The following PPP2R2B variants were observed in gnomAD, a reference collection of about 807,000 sequenced individuals.
PPP2R2B encodes the protein protein phosphatase 2 regulatory subunit Bbeta.
PPP2R2B carries 5 observed loss-of-function variants against 46.0 expected under a neutral mutation model. The observed-to-expected ratio is 0.11, with a 90% CI of 0.06 to 0.23. The LOEUF is 0.23. Ranked by LOEUF, PPP2R2B falls within the 10% of genes least tolerant of loss-of-function variation. The pLI, the probability that PPP2R2B is intolerant of heterozygous loss-of-function variation, is 1.00. For synonymous variants in PPP2R2B, 215 were observed against 206.7 expected (o/e 1.04, Z -0.34); for missense variants, 367 against 575.0 (o/e 0.64, Z 3.70).
At chr5:146,659,076 T>G (rs1776526160) in intron 5 of PPP2R2B, among the ~76,000 whole-genome samples, 1 of 152,068 alleles carries the variant, frequency 6.6e-6, no homozygotes, top group Non-Finnish European at 1.5e-5. Context: ...GGAAATGCAA[T>G]AAAAATAGAT....
intron 7 of PPP2R2B, among the ~76,000 whole-genome samples, chr5:146,626,241 A>G (rs1774059059): frequency 6.7e-6 from 1 of 149,334 alleles, no homozygotes; most frequent in African/African-American, 2.4e-5. Context: ...GCTAATACAG[A>G]GAGAAAGAGG....
chr5:146,654,066 C>G (rs142009286), intron 5 of PPP2R2B, among the ~76,000 whole-genome samples: 198 of 152,262 alleles, frequency 1.3e-3, no homozygotes, highest in African/African-American at 4.4e-3. Context: ...GAAGGAGATC[C>G]GGACACTATT....
chr5:146,933,177 T>A (rs910764369), intron 1 of PPP2R2B, among the ~76,000 whole-genome samples: 1 of 152,218 alleles, frequency 6.6e-6, no homozygotes, highest in Non-Finnish European at 1.5e-5. Flanking sequence ...GTAACAGGGA[T>A]TGGAAAATAA....
chr5:146,892,699 C>T (rs376451860), intron 1 of PPP2R2B, among the ~76,000 whole-genome samples: 45 of 152,160 alleles, frequency 3.0e-4, no homozygotes, highest in African/African-American at 1.1e-3. Context: ...ATTTGTTAAT[C>T]AGTGTTCTGG....
At chr5:146,651,482 G>C (rs984886865) in intron 5 of PPP2R2B, among the ~76,000 whole-genome samples, 2 of 152,192 alleles carry the variant, frequency 1.3e-5, no homozygotes, top group Non-Finnish European at 2.9e-5. Flanking sequence ...TGGTGGATCA[G>C]AGAATCGGCA....
intron 2 of PPP2R2B, among the ~76,000 whole-genome samples, chr5:146,759,972 ACT>A (rs992209873): frequency 7.2e-5 from 11 of 152,004 alleles, no homozygotes; most frequent in African/African-American, 2.4e-4. Context: ...CTATGACACA[ACT>A]CTGAAGACAG....
At chr5:146,983,407 C>T (rs1753274589) in intron 1 of PPP2R2B, among the ~76,000 whole-genome samples, 1 of 152,086 alleles carries the variant, frequency 6.6e-6, no homozygotes, top group Admixed American at 6.6e-5. Flanking sequence ...GTCTTGATCT[C>T]CTGACCTCGT....
intron 1 of PPP2R2B, among the ~76,000 whole-genome samples, chr5:146,913,179 T>C (rs1247274050): frequency 6.6e-6 from 1 of 152,230 alleles, no homozygotes; most frequent in Non-Finnish European, 1.5e-5. Context: ...TTTAGAAGCA[T>C]AGAGTCAAGT....
intron 7 of PPP2R2B, among the ~76,000 whole-genome samples, chr5:146,606,397 AAC>A (rs1475168441): frequency 2.0e-5 from 3 of 152,200 alleles, no homozygotes; most frequent in African/African-American, 7.2e-5. Flanking sequence ...GGTGGTTCCA[AAC>A]ACAGTGGCCT....
At chr5:146,838,691 C>A (rs1156365920) in intron 2 of PPP2R2B, among the ~76,000 whole-genome samples, 2 of 151,942 alleles carry the variant, frequency 1.3e-5, no homozygotes, top group South Asian at 4.2e-4. Flanking sequence ...GTGAGCTACA[C>A]AAGTGAGTTA....
intron 1 of PPP2R2B, among the ~76,000 whole-genome samples, chr5:146,957,665 C>G (rs757560394): frequency 2.2e-4 from 34 of 152,130 alleles, no homozygotes; most frequent in Non-Finnish European, 4.4e-4. Context: ...AGGTTGTACT[C>G]TACCCAGCTT....
At chr5:146,985,674 C>G (rs1285519313) in intron 1 of PPP2R2B, among the ~76,000 whole-genome samples, 3 of 152,110 alleles carry the variant, frequency 2.0e-5, no homozygotes, top group Non-Finnish European at 4.4e-5. Flanking sequence ...ACAAACATGT[C>G]CACTCTCACC....
At chr5:146,843,282 T>C (rs1379485615) in intron 2 of PPP2R2B, among the ~76,000 whole-genome samples, 2 of 152,254 alleles carry the variant, frequency 1.3e-5, no homozygotes, top group Non-Finnish European at 1.5e-5. Flanking sequence ...AATGACACTT[T>C]GTGAGTATCA....
chr5:146,718,654 A>C (rs1324149376), intron 2 of PPP2R2B, among the ~76,000 whole-genome samples: 3 of 152,166 alleles, frequency 2.0e-5, no homozygotes, highest in African/African-American at 7.2e-5. Flanking sequence ...CTGCTACTTA[A>C]ATTCCAGCCC....
chr5:147,012,045 T>C (rs1366755815), intron 1 of PPP2R2B, among the ~76,000 whole-genome samples: 1 of 150,554 alleles, frequency 6.6e-6, no homozygotes, highest in African/African-American at 2.4e-5. Flanking sequence ...TTCTCTTTTT[T>C]TGTTGTGTCT....
chr5:146,765,020 A>C (rs1004556441), intron 2 of PPP2R2B, among the ~76,000 whole-genome samples: 1 of 152,142 alleles, frequency 6.6e-6, no homozygotes, highest in African/African-American at 2.4e-5. Flanking sequence ...TAGAAAACAC[A>C]TAGAGGTTTC....
At chr5:146,685,507 G>C (rs978656084) in intron 5 of PPP2R2B, among the ~76,000 whole-genome samples, 2 of 152,194 alleles carry the variant, frequency 1.3e-5, no homozygotes, top group African/African-American at 4.8e-5. Context: ...GTTTCACTCA[G>C]AGGATCTCTC....
At chr5:146,685,072 T>A (rs1778406654) in intron 5 of PPP2R2B, among the ~76,000 whole-genome samples, 1 of 152,226 alleles carries the variant, frequency 6.6e-6, no homozygotes, top group Admixed American at 6.5e-5. Context: ...TTGTAGTGCA[T>A]GCTTAGTACA....
intron 2 of PPP2R2B, among the ~76,000 whole-genome samples, chr5:146,809,817 A>T (rs1757414745): frequency 6.6e-6 from 1 of 152,210 alleles, no homozygotes; most frequent in Non-Finnish European, 1.5e-5. Context: ...TGGAGGTTAC[A>T]TGGAGCAGAG....
Sources: gnomAD v4.1 joint callset for allele counts (sites outside exome capture counted in the v4.1 genomes callset) on GRCh38, gnomAD v4.1.1 for gene constraint, MANE v1.5 for transcripts, NCBI Gene and HGNC (gene_info 2026-07-23, HGNC 2026-07-21) for gene names.